MEGF10: variants seen among roughly 807,000 people sequenced by gnomAD.
MEGF10 encodes multiple epidermal growth factor-like domains protein 10.
MEGF10 carries 86 observed loss-of-function variants against 147.5 expected under a neutral mutation model. The observed-to-expected ratio is 0.58, with a 90% CI of 0.49 to 0.70. The LOEUF is 0.70. Ranked by LOEUF, MEGF10 falls within the 30% of genes least tolerant of loss-of-function variation. The pLI, the probability that MEGF10 is intolerant of heterozygous loss-of-function variation, is 0.00. For synonymous variants in MEGF10, 478 were observed against 525.5 expected (o/e 0.91, Z 1.24); for missense variants, 1,329 against 1,487.3 (o/e 0.89, Z 1.75).
intron 13 of MEGF10, 100 bp from the exon 14 acceptor site, chr5:127,433,263 C>T (rs573857807): frequency 2.1e-6 from 3 of 1,412,008 alleles, no homozygotes; most frequent in Non-Finnish European, 3.0e-6. Flanking sequence ...TGGTGATCCT[C>T]AGGTTTAACA....
chr5:127,433,658 A>G, intron 14 of MEGF10, 149 bp downstream of exon 14: 1 of 944,172 alleles, frequency 1.1e-6, no homozygotes, highest in Non-Finnish European at 1.5e-6. Context: ...TGTCCTTTGC[A>G]GAACTGTGTT....
chr5:127,329,749 T>C (rs949400451), intron 1 of MEGF10, among the ~76,000 whole-genome samples: 2 of 152,250 alleles, frequency 1.3e-5, no homozygotes, highest in African/African-American at 4.8e-5. Flanking sequence ...TTGGCACTTA[T>C]TTTGTTTGTA....
chr5:127,263,485 A>T, the MEGF10 span, among the ~76,000 whole-genome samples: 2 of 152,130 alleles, frequency 1.3e-5, no homozygotes, highest in Admixed American at 6.6e-5. Flanking sequence ...AACTGTTTAA[A>T]CATCTTGGGA....
intron 13 of MEGF10, among the ~76,000 whole-genome samples, chr5:127,430,565 A>G (rs2126995313): frequency 6.6e-6 from 1 of 152,314 alleles, no homozygotes; most frequent in Non-Finnish European, 1.5e-5. Flanking sequence ...AGGCTCTTAG[A>G]ATGCATGCTC....
intron 2 of MEGF10, among the ~76,000 whole-genome samples, chr5:127,332,465 C>T (rs1761299928): frequency 6.6e-6 from 1 of 152,158 alleles, no homozygotes; most frequent in Non-Finnish European, 1.5e-5. Context: ...AGCCCAGAGC[C>T]TCTCAAGCAC....
At chr5:127,425,747 C>G (rs1258723552) in intron 13 of MEGF10, among the ~76,000 whole-genome samples, 5 of 151,986 alleles carry the variant, frequency 3.3e-5, no homozygotes, top group Admixed American at 3.3e-4. Flanking sequence ...CTGTTAGGAC[C>G]TTTTTGAACG....
Position 127,322,227 on chromosome 5 carries a change from A to G in MEGF10, c.-18-9064A>G, listed in dbSNP as rs116826866. ...GCCTGAAGTCTCATGAGGTGTTTGG[A>G]TGTTTCACCTTGAGTAAATCTCAAG... is the stretch of plus-strand genomic sequence containing the variant. On this transcript the variant is annotated intron_variant, in intron 1 of 24. Coordinates refer to ENST00000503335, the MANE Select transcript of MEGF10 (RefSeq NM_001256545.2). Among the ~76,000 whole-genome samples the G allele has an allele frequency of 2.4e-3, 369 of 151,856 alleles. 5 individuals are homozygous for G. In the East Asian group the frequency reaches 0.056, roughly 23 times the overall value.
At chr5:127,260,939 A>G in the MEGF10 span, among the ~76,000 whole-genome samples, 1 of 152,160 alleles carries the variant, frequency 6.6e-6, no homozygotes, top group Admixed American at 6.5e-5. Flanking sequence ...TAGTTCCTAC[A>G]GTAGTAGGAA....
intron 21 of MEGF10, 46 bp downstream of exon 21, chr5:127,447,730 G>T: frequency 6.2e-7 from 1 of 1,611,608 alleles, no homozygotes; most frequent in Non-Finnish European, 8.5e-7. Context: ...TGGGGAGAGA[G>T]GAAGGGAACC....
the MEGF10 span, among the ~76,000 whole-genome samples, chr5:127,232,471 C>T: frequency 1.3e-5 from 2 of 152,182 alleles, no homozygotes; most frequent in African/African-American, 2.4e-5. Context: ...AGGACAGGCT[C>T]TGTGCTCTGT....
intron 11 of MEGF10, 35 bp downstream of exon 11, chr5:127,419,275 T>C (rs747981335): frequency 2.5e-6 from 4 of 1,603,258 alleles, no homozygotes; most frequent in East Asian, 2.2e-5. Context: ...AATTTGATCC[T>C]GGTCACGTTA....
intron 9 of MEGF10, among the ~76,000 whole-genome samples, chr5:127,411,204 C>T (rs903523854): frequency 3.9e-5 from 6 of 152,174 alleles, no homozygotes; most frequent in African/African-American, 1.4e-4. Context: ...AAACCACGAT[C>T]CTACCCACCC....
At chr5:127,312,512 C>T (rs1321112083) in intron 1 of MEGF10, among the ~76,000 whole-genome samples, 1 of 152,174 alleles carries the variant, frequency 6.6e-6, no homozygotes, top group Non-Finnish European at 1.5e-5. Flanking sequence ...CCCAATCGCA[C>T]AGAGTTTTGA....
rs773383852 is a variant in MEGF10 at position 127,457,231 on chromosome 5, C to T, written c.3336C>T (p.Asp1112=). ...PKNSHIPCHY[D]LLPVRDSSSS... is the part of the protein sequence containing the mutation. ...ACAGTCACATCCCTTGTCATTATGA[C>T]CTGCTGCCAGTCCGAGACAGTTCAT... Residue 1112 remains aspartate (D), a synonymous_variant, in exon 25 of 25, where the codon GAC becomes GAT. Coordinates refer to ENST00000503335, the MANE Select transcript of MEGF10 (RefSeq NM_001256545.2). 3.7e-6 allele frequency: 6 copies of T among 1,614,040 alleles called. No homozygotes were observed. The highest frequency in any genetic ancestry group is 2.5e-6 in the Non-Finnish European group (3 of 1,180,030).
At chr5:127,239,405 A>C in the MEGF10 span, among the ~76,000 whole-genome samples, 2 of 147,186 alleles carry the variant, frequency 1.4e-5, no homozygotes, top group African/African-American at 5.0e-5. Flanking sequence ...ACACACACAC[A>C]CACACACACA....
the MEGF10 span, among the ~76,000 whole-genome samples, chr5:127,268,173 G>A: frequency 5.3e-5 from 8 of 152,140 alleles, no homozygotes; most frequent in African/African-American, 1.9e-4. Flanking sequence ...ATTTCGTTAT[G>A]TACCCAGTAG....
At chr5:127,283,142 C>T in the MEGF10 span, among the ~76,000 whole-genome samples, 1 of 152,300 alleles carries the variant, frequency 6.6e-6, no homozygotes, top group East Asian at 1.9e-4. Flanking sequence ...ATACAGTATG[C>T]ATTCATATTG....
rs1766480963 is a variant in MEGF10, at chr5:127,459,350, G to A, written c.*2032G>A. On this transcript the variant is annotated 3_prime_UTR_variant, in exon 25 of 25. Transcript: ENST00000503335. The stretch of plus-strand genomic sequence containing the variant: ...AGGAAATAAGGAATGACCTGGAACA[G>A]GCCTTAGAAACAATTGATTTATTCC... 6.6e-6 allele frequency: 1 copy of A among 152,190 alleles called. No individual in the cohort carries two copies. The allele number at this position is 152,190 out of a possible 1,614,324, so 9.4% of individuals were successfully genotyped here. A position where few individuals can be genotyped will look rare whatever the true frequency, so the allele number is the denominator to read the frequency against.
intron 7 of MEGF10, among the ~76,000 whole-genome samples, chr5:127,402,258 A>T (rs2091091466): frequency 1.3e-5 from 2 of 152,152 alleles, no homozygotes; most frequent in Non-Finnish European, 2.9e-5. Context: ...ATTTGATGTA[A>T]CTTTGTTTTA....
Sources: gnomAD v4.1 joint callset for allele counts (sites outside exome capture counted in the v4.1 genomes callset) on GRCh38, gnomAD v4.1.1 for gene constraint, MANE v1.5 for transcripts, NCBI Gene and HGNC (gene_info 2026-07-23, HGNC 2026-07-21) for gene names.